The following KLRG1 variants were observed in gnomAD, a reference collection of about 807,000 sequenced individuals.
KLRG1 encodes killer cell lectin like receptor G1.
KLRG1 carries 16 observed loss-of-function variants against 21.8 expected under a neutral mutation model. The observed-to-expected ratio is 0.73, with a 90% CI of 0.50 to 1.11. The LOEUF (loss-of-function observed/expected upper bound fraction) is 1.11. KLRG1 is among the 50% of genes most tolerant of loss of function. The pLI, the probability that KLRG1 is intolerant of heterozygous loss-of-function variation, is 0.00. For missense variants in KLRG1, 173 were observed against 218.3 expected, an observed-to-expected ratio of 0.79 and a Z score of 1.31; for synonymous variants, 69 against 75.9, an observed-to-expected ratio of 0.91 and a Z score of 0.47.
intron 1 of KLRG1, among the ~76,000 whole-genome samples, chr12:8,984,221 G>T (rs1377322053): frequency 6.6e-6 from 1 of 151,506 alleles, no homozygotes; most frequent in Non-Finnish European, 1.5e-5. Flanking sequence ...TATTATTATT[G>T]AGATGGAGTC....
chr12:9,080,292 G>C, the KLRG1 span: 60 of 566,676 alleles, frequency 1.1e-4, no homozygotes, highest in Non-Finnish European at 4.3e-5. Context: ...CTCCTGAAAA[G>C]TTGTCCGCCT....
the KLRG1 span, among the ~76,000 whole-genome samples, chr12:9,214,796 T>G: frequency 1.3e-4 from 20 of 151,970 alleles, no homozygotes; most frequent in Admixed American, 1.2e-3. Context: ...TTGCTTGTCA[T>G]TTTGATTACA....
chr12:8,980,219 C>T (rs1260100595), intron 1 of KLRG1, among the ~76,000 whole-genome samples: 2 of 151,754 alleles, frequency 1.3e-5, no homozygotes, highest in Non-Finnish European at 2.9e-5. Context: ...ATGCCTGGCC[C>T]TGTTTTTTTT....
rs1947506659 is a variant in KLRG1 at position 9,007,482 on chromosome 12, G to T, written c.358-1493G>T. Among the ~76,000 whole-genome samples, 2 of 152,010 alleles carry T rather than the reference G, an allele frequency of 1.3e-5. 1 individual carries two copies. Among genetic ancestry groups the T allele is most frequent in the Admixed American group, 1.3e-4 (2 of 15,260 alleles). On this transcript the variant is annotated intron_variant, in intron 3 of 4. Transcript: ENST00000356986. ...AGGCTTTTTGTACCACATTCACCAG[G>T]CTGGTCTCAAACTTCTGACCTCAAG...
chr12:9,000,383 A>G (rs1021684712), intron 3 of KLRG1, among the ~76,000 whole-genome samples: 2 of 152,196 alleles, frequency 1.3e-5, no homozygotes, highest in Non-Finnish European at 2.9e-5. Flanking sequence ...TATTTCCACT[A>G]TTTTTTAACT....
chr12:9,069,687 G>T, the KLRG1 span: 1 of 1,349,256 alleles, frequency 7.4e-7, no homozygotes, highest in Non-Finnish European at 1.0e-6. Flanking sequence ...CTTCCCAGAT[G>T]TTCCCTTAGA....
intron 3 of KLRG1, among the ~76,000 whole-genome samples, chr12:8,999,295 T>C (rs180979314): frequency 1.3e-5 from 2 of 152,332 alleles, no homozygotes; most frequent in African/African-American, 4.8e-5. Flanking sequence ...GGTATGTTAT[T>C]TTAAAGTATG....
At chr12:9,051,129 C>T in the KLRG1 span, among the ~76,000 whole-genome samples, 1 of 152,210 alleles carries the variant, frequency 6.6e-6, no homozygotes, top group Non-Finnish European at 1.5e-5. Flanking sequence ...CACTTCCTCC[C>T]CTCCGAGGTC....
At chr12:9,200,497 G>C in the KLRG1 span, 2 of 1,384,334 alleles carry the variant, frequency 1.4e-6, no homozygotes, top group Non-Finnish European at 2.0e-6. Context: ...ACATTTATTG[G>C]AAATACAAAT....
At chr12:9,136,682 G>A in the KLRG1 span, among the ~76,000 whole-genome samples, 1 of 151,860 alleles carries the variant, frequency 6.6e-6, no homozygotes. Context: ...CCACATCTTT[G>A]CCAACCACTT....
At chr12:9,178,090 C>G in the KLRG1 span, among the ~76,000 whole-genome samples, 2 of 152,150 alleles carry the variant, frequency 1.3e-5, no homozygotes, top group Non-Finnish European at 2.9e-5. Context: ...AAATACAAAT[C>G]AAGATCAAGA....
the KLRG1 span, among the ~76,000 whole-genome samples, chr12:9,096,908 C>T: frequency 6.6e-6 from 1 of 152,152 alleles, no homozygotes; most frequent in African/African-American, 2.4e-5. Context: ...ATACCTAGAA[C>T]ACAGTGGGCA....
the KLRG1 span, among the ~76,000 whole-genome samples, chr12:9,054,531 A>G: frequency 6.6e-6 from 1 of 151,062 alleles, no homozygotes; most frequent in East Asian, 2.0e-4. Context: ...TATAATTGGG[A>G]TATTCATCAC....
the KLRG1 span, chr12:9,181,001 A>G: frequency 6.2e-7 from 1 of 1,613,686 alleles, no homozygotes; most frequent in South Asian, 1.1e-5. Flanking sequence ...CAGAGAGCTC[A>G]GCCTCAGGCT....
At chr12:9,163,519 G>A in the KLRG1 span, 1 of 852,788 alleles carries the variant, frequency 1.2e-6, no homozygotes, top group Non-Finnish European at 1.7e-6. Context: ...TGGCAATGTT[G>A]TCTGCTGCAA....
the KLRG1 span, among the ~76,000 whole-genome samples, chr12:9,085,696 A>G: frequency 1.8e-4 from 27 of 152,204 alleles, no homozygotes; most frequent in Admixed American, 1.6e-3. Context: ...GAAAAAGAAT[A>G]CAAAAGATCA....
chr12:9,210,952 A>G, the KLRG1 span, among the ~76,000 whole-genome samples: 2 of 152,322 alleles, frequency 1.3e-5, no homozygotes, highest in South Asian at 4.1e-4. Flanking sequence ...GCTTTGATAA[A>G]TATCTTTTTA....
At chr12:9,177,605 T>A in the KLRG1 span, among the ~76,000 whole-genome samples, 1 of 152,362 alleles carries the variant, frequency 6.6e-6, no homozygotes, top group East Asian at 1.9e-4. Flanking sequence ...TTTACCTTTG[T>A]TTTTGAGTAG....
the KLRG1 span, among the ~76,000 whole-genome samples, chr12:9,078,846 C>T: frequency 2.0e-5 from 3 of 152,102 alleles, no homozygotes; most frequent in Admixed American, 2.0e-4. Context: ...ATTGTTTCCT[C>T]TTATTAATGA....
Sources: allele counts gnomAD v4.1 joint callset (sites outside exome capture counted in the v4.1 genomes callset), GRCh38; gene constraint gnomAD v4.1.1; transcripts MANE v1.5; gene names NCBI Gene and HGNC (gene_info 2026-07-23, HGNC 2026-07-21).